Variants in LHFPL6 observed in about 807,000 individuals in gnomAD.
LHFPL6 encodes the protein LHFPL tetraspan subfamily member 6, also known as LHFPL tetraspan subfamily member 6 protein.
A neutral mutation model predicts 20.6 loss-of-function variants in LHFPL6; 9 were observed. The ratio of observed to expected loss-of-function variants is 0.44; its 90% CI spans 0.26 to 0.76. The LOEUF is 0.76. Among genes scored for constraint, LHFPL6 ranks in the 30% least tolerant of loss-of-function variants. The pLI is 0.20. For synonymous variants in LHFPL6, 105 were observed against 98.7 expected (o/e 1.06, Z -0.38); for missense variants, 218 against 253.5 (o/e 0.86, Z 0.95).
At chr13:39,440,632 G>C (rs536517848) in intron 2 of LHFPL6, among the ~76,000 whole-genome samples, 25 of 152,198 alleles carry the variant, frequency 1.6e-4, no homozygotes, top group African/African-American at 6.0e-4. Flanking sequence ...ACAGGGTCTT[G>C]CTCTGTCACT....
At chr13:39,363,559 A>C (rs1869933247) in intron 3 of LHFPL6, among the ~76,000 whole-genome samples, 1 of 152,206 alleles carries the variant, frequency 6.6e-6, no homozygotes, top group Admixed American at 6.5e-5. Context: ...ATAGTTTGCC[A>C]ACCCCTGATG....
intron 3 of LHFPL6, among the ~76,000 whole-genome samples, chr13:39,369,220 C>CT (rs1870091602): frequency 6.6e-6 from 1 of 151,812 alleles, no homozygotes; most frequent in South Asian, 2.1e-4. Context: ...AAGAGATTTC[C>CT]TTTTTCCCAC....
chr13:39,414,071 G>A (rs1056189122), intron 2 of LHFPL6, among the ~76,000 whole-genome samples: 1 of 152,126 alleles, frequency 6.6e-6, no homozygotes, highest in African/African-American at 2.4e-5. Flanking sequence ...CTGTTCATAG[G>A]CATTTGGACA....
At chr13:39,449,549 A>G (rs1269170847) in intron 2 of LHFPL6, among the ~76,000 whole-genome samples, 5 of 152,246 alleles carry the variant, frequency 3.3e-5, no homozygotes, top group African/African-American at 1.2e-4. Flanking sequence ...TGAAATAGTT[A>G]ACATTCAGTT....
rs776885901 is a variant in LHFPL6, at chr13:39,343,894, T to C, written c.*42A>G. 1.3e-6 allele frequency: 2 copies of C among 1,524,306 alleles called. No homozygotes were observed. The highest frequency in any genetic ancestry group is 1.7e-5 in the Admixed American group (1 of 59,586). The allele number at this position is 1,524,306 out of a possible 1,614,324, so 94.4% of individuals were successfully genotyped here. A position where few individuals can be genotyped will look rare whatever the true frequency, so the allele number is the denominator to read the frequency against. On this transcript the variant is annotated 3_prime_UTR_variant, in exon 4 of 4. Coordinates refer to ENST00000379589, the MANE Select transcript of LHFPL6 (RefSeq NM_005780.3). The stretch of plus-strand genomic sequence containing the variant: ...GGATGTTTTGACCTCTCCAAGCCCC[T>C]TTGGCCCATCTTCTCCTCTGTCTGC...
intron 2 of LHFPL6, among the ~76,000 whole-genome samples, chr13:39,564,732 T>C (rs1871656099): frequency 6.6e-6 from 1 of 152,178 alleles, no homozygotes; most frequent in Non-Finnish European, 1.5e-5. Context: ...AGAATTAAGT[T>C]TGCTTATTTA....
At chr13:39,454,351 C>G in intron 2 of LHFPL6, among the ~76,000 whole-genome samples, 1 of 32,800 alleles carries the variant, frequency 3.0e-5, no homozygotes, top group Admixed American at 2.9e-4. Context: ...TAATTGGGGC[C>G]GGGCGCGGTG....
chr13:39,380,680 A>G (rs145501833), intron 2 of LHFPL6, among the ~76,000 whole-genome samples: 8 of 152,070 alleles, frequency 5.3e-5, no homozygotes, highest in East Asian at 3.9e-4. Context: ...TTTAGTAGAG[A>G]TGGGGTTTCA....
chr13:39,430,169 C>T (rs1396829566), intron 2 of LHFPL6, among the ~76,000 whole-genome samples: 1 of 152,180 alleles, frequency 6.6e-6, no homozygotes, highest in Non-Finnish European at 1.5e-5. Context: ...CCCTTTAGGA[C>T]TGAACCACTC....
chr13:39,593,768 A>C (rs1409708514), intron 2 of LHFPL6, among the ~76,000 whole-genome samples: 1 of 151,424 alleles, frequency 6.6e-6, no homozygotes, highest in Non-Finnish European at 1.5e-5. Context: ...CAAAACAGAG[A>C]TATAGATCAA....
chr13:39,361,021 C>T lies in LHFPL6; in HGVS notation c.485-16967G>A, dbSNP rs1869856407. 2.1e-5 allele frequency among the ~76,000 whole-genome samples: 2 copies of T among 96,688 alleles called. 1 individual carries two copies. The highest frequency in any genetic ancestry group is 4.9e-5 in the Non-Finnish European group (2 of 41,076). 63.4% of individuals were successfully genotyped at this position (96,688 alleles called of 152,430 possible). ...GAAATGGTGCCGGCCATCATCAACA[C>T]AAGAATTTACCAGAAAATACCTATA... On this transcript the variant is annotated intron_variant, in intron 3 of 3. Transcript: ENST00000379589.
At chr13:39,462,640 CTG>C (rs1240801699) in intron 2 of LHFPL6, among the ~76,000 whole-genome samples, 3 of 151,932 alleles carry the variant, frequency 2.0e-5, no homozygotes, top group Admixed American at 1.3e-4. Context: ...CCCTCTCACT[CTG>C]TGAAGTGGGC....
chr13:39,472,714 T>A (rs1298999603), intron 2 of LHFPL6, among the ~76,000 whole-genome samples: 1 of 152,060 alleles, frequency 6.6e-6, no homozygotes, highest in African/African-American at 2.4e-5. Context: ...GTTCAAGTGA[T>A]TTTCCTGCCC....
At chr13:39,416,274 T>C (rs1377770470) in intron 2 of LHFPL6, among the ~76,000 whole-genome samples, 1 of 152,198 alleles carries the variant, frequency 6.6e-6, no homozygotes, top group African/African-American at 2.4e-5. Context: ...ATCTGTTTTG[T>C]TCATTAATGT....
At chr13:39,595,528 G>A (rs1455264037) in intron 2 of LHFPL6, among the ~76,000 whole-genome samples, 1 of 152,164 alleles carries the variant, frequency 6.6e-6, no homozygotes, top group Non-Finnish European at 1.5e-5. Flanking sequence ...CCTGGCCTCA[G>A]GTGATCGGCC....
chr13:39,445,183 A>T (rs1448155211), intron 2 of LHFPL6, among the ~76,000 whole-genome samples: 1 of 152,224 alleles, frequency 6.6e-6, no homozygotes, highest in South Asian at 2.1e-4. Flanking sequence ...AGAACAGCCC[A>T]GTAAACTTCT....
At chr13:39,542,374 C>T (rs1198151649) in intron 2 of LHFPL6, among the ~76,000 whole-genome samples, 1 of 152,192 alleles carries the variant, frequency 6.6e-6, no homozygotes, top group Non-Finnish European at 1.5e-5. Context: ...GCCACACGCT[C>T]ACTGTTGTTT....
intron 2 of LHFPL6, among the ~76,000 whole-genome samples, chr13:39,495,423 T>A (rs1869065302): frequency 6.6e-6 from 1 of 152,210 alleles, no homozygotes; most frequent in Admixed American, 6.5e-5. Context: ...ATACCTTTCA[T>A]TTGTATTGTA....
chr13:39,392,992 C>A (rs1464004854), intron 2 of LHFPL6, among the ~76,000 whole-genome samples: 3 of 152,098 alleles, frequency 2.0e-5, no homozygotes, highest in African/African-American at 4.8e-5. Flanking sequence ...TATACTATAA[C>A]AACTACTTAC....
Sources: allele counts gnomAD v4.1 joint callset (sites outside exome capture counted in the v4.1 genomes callset), GRCh38; gene constraint gnomAD v4.1.1; transcripts MANE v1.5; gene names NCBI Gene and HGNC (gene_info 2026-07-23, HGNC 2026-07-21).